Variants in ZNF469 observed in about 807,000 individuals in gnomAD.
ZNF469 encodes zinc finger protein 469.
Under a neutral mutation model 1.0 loss-of-function variants are expected in ZNF469, and 1 was observed. The observed-to-expected ratio is 1.00, with a 90% CI of 0.35 to 4.73. ZNF469 has a LOEUF of 4.73. ZNF469 is among the 30% of genes most tolerant of loss of function. The pLI is 0.16. For missense variants in ZNF469, 6,100 were observed against 5,356.3 expected (o/e 1.14, Z -4.33); for synonymous variants, 2,703 against 2,363.4 (o/e 1.14, Z -4.17).
chr16:88,266,352 T>C, the ZNF469 span, among the ~76,000 whole-genome samples: 1 of 152,216 alleles, frequency 6.6e-6, no homozygotes, highest in African/African-American at 2.4e-5. Context: ...CTGGGGCCGC[T>C]CCGGCTGAGC....
chr16:88,284,897 G>A, the ZNF469 span, among the ~76,000 whole-genome samples: 7 of 152,268 alleles, frequency 4.6e-5, no homozygotes, highest in Admixed American at 1.3e-4. Context: ...GGCACTCTGG[G>A]AGGCCACTGT....
the ZNF469 span, among the ~76,000 whole-genome samples, chr16:88,148,435 T>C: frequency 5.4e-3 from 824 of 152,240 alleles, 12 homozygotes; most frequent in African/African-American, 0.018. Context: ...CCCACCAGCG[T>C]CCCACTCTGT....
chr16:88,142,761 C>T, the ZNF469 span, among the ~76,000 whole-genome samples: 29 of 152,334 alleles, frequency 1.9e-4, no homozygotes, highest in East Asian at 2.3e-3. Context: ...GCAGCAGCTG[C>T]GTCGCTGTGG....
At chr16:88,385,962 T>G (rs939367086) in intron 1 of ZNF469, among the ~76,000 whole-genome samples, 1 of 152,280 alleles carries the variant, frequency 6.6e-6, no homozygotes, top group South Asian at 2.1e-4. Flanking sequence ...GTGGGACCTG[T>G]GGAGAGGGTT....
chr16:88,346,332 C>T, the ZNF469 span, among the ~76,000 whole-genome samples: 3 of 152,168 alleles, frequency 2.0e-5, no homozygotes, highest in South Asian at 2.1e-4. Flanking sequence ...GACCCAGCTA[C>T]GCTTGTCCAC....
chr16:88,172,037 A>G, the ZNF469 span, among the ~76,000 whole-genome samples: 4 of 152,204 alleles, frequency 2.6e-5, no homozygotes, highest in Admixed American at 1.3e-4. Flanking sequence ...CAAGTGTCCC[A>G]TGGAGGTGCC....
chr16:88,438,860 G>A lies in ZNF469; in HGVS notation c.11390G>A (p.Gly3797Asp). 1 of 1,550,436 alleles carries A rather than the reference G, an allele frequency of 6.4e-7. No individual in the cohort carries two copies. Among genetic ancestry groups the A allele is most frequent in the South Asian group, 1.2e-5 (1 of 84,060 alleles). ...TGCACCAAGGGGCCAAGGGAAGCTG[G>A]TGAGCAGGGGCCCCACGGGAGCCTA... ...KSCTKGPREA[G>D]EQGPHGSLGP... Residue 3797 changes from glycine to aspartate, a missense_variant, in exon 3 of 3, where the codon GGT (glycine) becomes GAT (aspartate). Transcript: ENST00000565624.
At chr16:88,414,259 G>A (rs1040410282) in intron 1 of ZNF469, among the ~76,000 whole-genome samples, 10 of 152,220 alleles carry the variant, frequency 6.6e-5, no homozygotes, top group African/African-American at 1.9e-4. Context: ...GGTCGGACAC[G>A]GCCACAGATC....
the ZNF469 span, among the ~76,000 whole-genome samples, chr16:88,289,544 T>G: frequency 6.6e-6 from 1 of 152,330 alleles, no homozygotes; most frequent in African/African-American, 2.4e-5. Context: ...GTGCTTCACC[T>G]AAATTAGCTC....
chr16:88,174,863 G>A, the ZNF469 span, among the ~76,000 whole-genome samples: 2 of 152,098 alleles, frequency 1.3e-5, no homozygotes, highest in Non-Finnish European at 2.9e-5. Flanking sequence ...TAGTTTCTGG[G>A]GAGTCAAAAG....
the ZNF469 span, among the ~76,000 whole-genome samples, chr16:88,152,458 T>G: frequency 2.0e-5 from 3 of 152,152 alleles, no homozygotes; most frequent in Admixed American, 1.3e-4. This position sits in a 1 kb window ranked among gnomAD's most constrained non-coding sequence, Gnocchi z 4.2. Flanking sequence ...CTGTGGATTT[T>G]GGCTGCCCCC....
Position 88,427,841 on chromosome 16 carries a change from T to C in ZNF469, c.371T>C (p.Ile124Thr). ...CCCCCACAGCGCTACATTCTGGGCA[T>C]CGCCAGCTCGAGGACCAAGCCCACC... ...GSPPQRYILG[I>T]ASSRTKPTLD... Residue 124 changes from isoleucine to threonine, a missense_variant, in exon 3 of 3, where the codon ATC (isoleucine) becomes ACC (threonine). Transcript: ENST00000565624. 1 of 1,549,044 alleles carries C rather than the reference T, an allele frequency of 6.5e-7. No individual in the cohort carries two copies. The highest frequency in any genetic ancestry group is 8.7e-7 in the Non-Finnish European group (1 of 1,146,754).
At chr16:88,309,367 C>T in the ZNF469 span, among the ~76,000 whole-genome samples, 1,457 of 152,240 alleles carry the variant, frequency 9.6e-3, 11 homozygotes, top group African/African-American at 0.033. Flanking sequence ...GGGGGAGTGC[C>T]CTCTGAGGTC....
the ZNF469 span, among the ~76,000 whole-genome samples, chr16:88,351,695 C>A: frequency 6.6e-6 from 1 of 152,166 alleles, no homozygotes; most frequent in Non-Finnish European, 1.5e-5. Flanking sequence ...AGGCCCCCAC[C>A]CCCACCGCCG....
upstream of ZNF469, among the ~76,000 whole-genome samples, chr16:88,380,031 A>G (rs1003668654): frequency 1.3e-5 from 2 of 152,132 alleles, no homozygotes; most frequent in African/African-American, 4.8e-5. Context: ...ACTTGTGTGC[A>G]TGCATACACA....
the ZNF469 span, among the ~76,000 whole-genome samples, chr16:88,366,392 CCAT>C: frequency 2.0e-3 from 296 of 150,780 alleles, 1 homozygote; most frequent in African/African-American, 6.9e-3. Flanking sequence ...ACCTTCACCA[CCAT>C]CATCACCTTC....
chr16:88,294,482 C>A, the ZNF469 span, among the ~76,000 whole-genome samples: 2 of 152,214 alleles, frequency 1.3e-5, no homozygotes, highest in African/African-American at 4.8e-5. Context: ...GGGTTCCTGC[C>A]TCCTGCCCTC....
At chr16:88,261,738 G>A in the ZNF469 span, among the ~76,000 whole-genome samples, 1 of 152,176 alleles carries the variant, frequency 6.6e-6, no homozygotes, top group African/African-American at 2.4e-5. This position sits in a 1 kb window ranked among gnomAD's most constrained non-coding sequence, Gnocchi z 6.0. Context: ...TCTGTCTCGG[G>A]TGGGGGCTGC....
rs1905988836 is a variant in ZNF469, at chr16:88,429,644, A to C, written c.2174A>C (p.Asp725Ala). 6.5e-7 allele frequency: 1 copy of C among 1,543,492 alleles called. No homozygotes were observed. Among genetic ancestry groups the C allele is most frequent in the South Asian group, 1.2e-5 (1 of 83,512 alleles). The change falls in exon 3 of 3, where the codon GAC (aspartate) becomes GCC (alanine). Residue 725 changes from aspartate (D) to alanine (A), a missense_variant. Coordinates refer to ENST00000565624, the MANE Select transcript of ZNF469 (RefSeq NM_001367624.2). ...TTCTCCCTCAGCAGCGCCAGCCTGG[A>C]CCAGCTGGACGTGCTGCTGACCTGC... ...HHFSLSSASL[D>A]QLDVLLTCRQ...
Sources: gnomAD v4.1 joint callset for allele counts (sites outside exome capture counted in the v4.1 genomes callset) on GRCh38, gnomAD v4.1.1 for gene constraint, Gnocchi (gnomAD v3.1) non-coding constraint, MANE v1.5 for transcripts, NCBI Gene and HGNC (gene_info 2026-07-23, HGNC 2026-07-21) for gene names.